The following NBPF11 variants were observed in gnomAD, a reference collection of about 807,000 sequenced individuals.
The protein encoded by NBPF11 is NBPF family member NBPF11.
In NBPF11, 72 loss-of-function variants were observed where a neutral mutation model predicts 93.9. The observed-to-expected ratio is 0.77, with a 90% CI of 0.63 to 0.93. The LOEUF (loss-of-function observed/expected upper bound fraction) is 0.93, where lower values mean the gene tolerates loss of function less well. Among genes scored for constraint, NBPF11 ranks in the 40% least tolerant of loss-of-function variants. The pLI, the probability that NBPF11 is intolerant of heterozygous loss-of-function variation, is 0.00. For synonymous variants in NBPF11, 224 were observed against 304.9 expected, an observed-to-expected ratio of 0.73 and a Z score of 2.76; for missense variants, 705 against 802.2, an observed-to-expected ratio of 0.88 and a Z score of 1.46.
chr1:148,129,507 T>A (rs1669932237), intron 4 of NBPF11: 1 of 152,736 alleles, frequency 6.5e-6, no homozygotes, highest in African/African-American at 2.5e-5. Flanking sequence ...ATCTACAGCC[T>A]CGTGGCGGAC....
At chr1:148,104,087 A>G (rs1662940168) in intron 23 of NBPF11, among the ~76,000 whole-genome samples, 175 bp from the exon 24 acceptor site, 1 of 147,754 alleles carries the variant, frequency 6.8e-6, no homozygotes, top group African/African-American at 2.6e-5. Flanking sequence ...GGTAGAAAAC[A>G]ATGAAAGAGA....
intron 7 of NBPF11, among the ~76,000 whole-genome samples, chr1:148,123,472 ATCAC>A (rs1482402604): frequency 6.6e-6 from 1 of 152,166 alleles, no homozygotes; most frequent in Non-Finnish European, 1.5e-5. Flanking sequence ...GGAAAGATAA[ATCAC>A]TCACTCACCG....
At position 148,103,713 on chromosome 1, in the gene NBPF11, T is replaced by G; in HGVS notation, c.*183A>C. The G allele has an allele frequency of 6.2e-7, 1 of 1,611,380 alleles. No homozygotes were observed. The highest frequency in any genetic ancestry group is 8.5e-7 in the Non-Finnish European group (1 of 1,179,344). Reference sequence around the variant, plus strand: ...CCCATCTGGAAGACCAGGTGGAGACTTCTCACCGTCAAAGTAAAAAACCTA... The same window carrying G: ...CCCATCTGGAAGACCAGGTGGAGACGTCTCACCGTCAAAGTAAAAAACCTA... On this transcript the variant is annotated 3_prime_UTR_variant, in exon 24 of 24. Coordinates refer to ENST00000682118, the MANE Select transcript of NBPF11 (RefSeq NM_001385469.3).
chr1:148,147,976 G>A lies in NBPF11; in HGVS notation c.-549+3774C>T, dbSNP rs1197659382. Among the ~76,000 whole-genome samples, 344 of 152,178 alleles carry A rather than the reference G, an allele frequency of 2.3e-3. 6 individuals are homozygous for A. Among genetic ancestry groups the A allele is most frequent in the African/African-American group, 7.5e-3 (312 of 41,426 alleles). ...AGAGCCATGAGGGGGAGGCCAGAGC[G>A]TGCCCAGGGCCTCCACTGGGGATGT... On this transcript the variant is annotated intron_variant, in intron 1 of 23. Coordinates refer to ENST00000682118, the MANE Select transcript of NBPF11 (RefSeq NM_001385469.3).
chr1:148,104,007 A>T, intron 23 of NBPF11, 95 bp from the exon 24 acceptor site: 1 of 1,607,452 alleles, frequency 6.2e-7, no homozygotes, highest in South Asian at 1.1e-5. Context: ...AAGTGGTTGG[A>T]AAAGAAAAAG....
intron 14 of NBPF11, among the ~76,000 whole-genome samples, chr1:148,115,164 CAAAAAAAAAAAAAAAAAAAAAAAAAA>C (rs57869119): frequency 8.2e-5 from 1 of 12,152 alleles, no homozygotes. Flanking sequence ...GACTCCATCA[CAAAAAAAAAAAAAAAAAAAAAAAAAA>C]AAAAAAAAAA....
intron 1 of NBPF11, among the ~76,000 whole-genome samples, chr1:148,148,347 A>T (rs1311172150): frequency 6.6e-6 from 1 of 152,186 alleles, no homozygotes; most frequent in Admixed American, 6.5e-5. Context: ...AGCGTGTGGG[A>T]GGAGAGTTGT....
chr1:148,133,437 A>G (rs1670751384), intron 4 of NBPF11, among the ~76,000 whole-genome samples: 1 of 152,152 alleles, frequency 6.6e-6, no homozygotes, highest in African/African-American at 2.4e-5. Flanking sequence ...ATTTAATATA[A>G]TGTTACCTGT....
intron 1 of NBPF11, among the ~76,000 whole-genome samples, chr1:148,147,395 G>A (rs1198071903): frequency 6.6e-6 from 1 of 152,180 alleles, no homozygotes; most frequent in Middle Eastern, 3.4e-3. Flanking sequence ...GGGCCTACAG[G>A]GTAAGGTGCA....
rs1418661889 is a variant in NBPF11 at position 148,115,662 on chromosome 1, C to A, written c.1585+131G>T. On this transcript the variant is annotated intron_variant, in intron 14 of 23. Coordinates refer to ENST00000682118, the MANE Select transcript of NBPF11 (RefSeq NM_001385469.3). ...ACATTAGCTGAGAAGGACAAAAAAACTCCCTGATATCTGTTTAGAAACCCA... is the reference window on the plus strand; with the variant it reads ...ACATTAGCTGAGAAGGACAAAAAAAATCCCTGATATCTGTTTAGAAACCCA... 2,218 of 1,303,682 alleles carry A rather than the reference C, an allele frequency of 1.7e-3. 64 individuals carry two copies. In the African/African-American group the frequency reaches 0.03, roughly 18 times the overall value. 80.8% of individuals were successfully genotyped at this position (1,303,682 alleles called of 1,614,324 possible).
chr1:148,143,907 G>C (rs202203601), intron 1 of NBPF11, among the ~76,000 whole-genome samples: 28 of 145,024 alleles, frequency 1.9e-4, no homozygotes, highest in Non-Finnish European at 3.9e-4. Context: ...TAAAAAATGA[G>C]AAATTAGCCG....
At chr1:148,111,810 C>T (rs1333569302) in intron 15 of NBPF11, among the ~76,000 whole-genome samples, 6 of 151,364 alleles carry the variant, frequency 4.0e-5, no homozygotes, top group African/African-American at 1.5e-4. Context: ...AGAATGGAAC[C>T]AAGCTGGGAA....
chr1:148,124,513 A>G (rs1226155800), intron 6 of NBPF11, among the ~76,000 whole-genome samples: 7 of 151,016 alleles, frequency 4.6e-5, no homozygotes, highest in African/African-American at 1.7e-4. Context: ...CGAGAAGGCA[A>G]CATTGATTGA....
At chr1:148,116,618 G>A in intron 12 of NBPF11, 83 bp from the exon 13 acceptor site, 1 of 613,836 alleles carries the variant, frequency 1.6e-6, no homozygotes, top group South Asian at 1.9e-5. Context: ...ACAGGGACAT[G>A]AACATCTAGG....
chr1:148,138,965 C>A (rs1278115607), intron 2 of NBPF11, among the ~76,000 whole-genome samples: 1 of 151,148 alleles, frequency 6.6e-6, no homozygotes, highest in South Asian at 2.1e-4. Flanking sequence ...GTGGCAGGCG[C>A]CTGTAATCCC....
chr1:148,135,401 T>C (rs1671117282), intron 4 of NBPF11, among the ~76,000 whole-genome samples: 1 of 150,110 alleles, frequency 6.7e-6, no homozygotes, highest in African/African-American at 2.5e-5. Context: ...ATAAATTGTA[T>C]CATCTTAAAA....
intron 2 of NBPF11, among the ~76,000 whole-genome samples, chr1:148,143,132 G>C (rs1367245713): frequency 6.6e-6 from 1 of 151,840 alleles, no homozygotes; most frequent in Non-Finnish European, 1.5e-5. Context: ...GGGGAAGAGA[G>C]AGGAGAGGGA....
At chr1:148,114,264 T>C (rs1665955779) in intron 15 of NBPF11, among the ~76,000 whole-genome samples, 173 bp downstream of exon 15, 1 of 151,848 alleles carries the variant, frequency 6.6e-6, no homozygotes, top group Non-Finnish European at 1.5e-5. Context: ...GAGAGGACTA[T>C]GAAATTAAAA....
chr1:148,106,085 A>G, intron 21 of NBPF11, 96 bp downstream of exon 21: 1 of 570,962 alleles, frequency 1.8e-6, no homozygotes, highest in South Asian at 2.0e-5. Context: ...CTTGGTTGAA[A>G]AGATGTAATC....
Sources: allele counts gnomAD v4.1 joint callset (sites outside exome capture counted in the v4.1 genomes callset), GRCh38; gene constraint gnomAD v4.1.1; transcripts MANE v1.5; gene names NCBI Gene and HGNC (gene_info 2026-07-23, HGNC 2026-07-21).